The following CDH23 variants were observed in gnomAD, a reference collection of about 807,000 sequenced individuals.
CDH23 encodes cadherin-23.
Under a neutral mutation model 317.1 loss-of-function variants are expected in CDH23, and 189 were observed. The observed-to-expected ratio is 0.60, with a 90% CI of 0.53 to 0.67. CDH23 has a LOEUF of 0.67. Among genes scored for constraint, CDH23 ranks in the 30% least tolerant of loss-of-function variants. The pLI is 0.00. For synonymous variants in CDH23, 1,839 were observed against 1,876.8 expected, an observed-to-expected ratio of 0.98 and a Z score of 0.52; for missense variants, 4,401 against 4,592.4, an observed-to-expected ratio of 0.96 and a Z score of 1.20.
intron 6 of CDH23, among the ~76,000 whole-genome samples, chr10:71,528,012 G>A (rs1372759578): frequency 6.6e-6 from 1 of 152,096 alleles, no homozygotes; most frequent in Non-Finnish European, 1.5e-5. Flanking sequence ...CATCTGTGCA[G>A]TGGGGTTAGT....
rs1427867594 is a variant in CDH23 at position 71,690,595 on chromosome 10, C to G, written c.2176+11C>G. 1 of 1,557,702 alleles carries G rather than the reference C, an allele frequency of 6.4e-7. No individual in the cohort carries two copies. Among genetic ancestry groups the G allele is most frequent in the Non-Finnish European group, 8.7e-7 (1 of 1,142,896 alleles). ...TCAATGCCCGCTCAGGTGAGCCCCC[C>G]CACCCCAAGTACCCTGGTCCTCCAC... On this transcript the variant is annotated intron_variant, in intron 20 of 69. Coordinates refer to ENST00000224721, the MANE Select transcript of CDH23 (RefSeq NM_022124.6).
intron 24 of CDH23, 71 bp from the exon 25 acceptor site, chr10:71,704,840 C>A: frequency 1.7e-6 from 2 of 1,204,972 alleles, no homozygotes; most frequent in Middle Eastern, 2.1e-4. Context: ...GGAGGAGGAG[C>A]ACTTCTTGGG....
intron 3 of CDH23, among the ~76,000 whole-genome samples, chr10:71,498,865 A>C (rs1371699788): frequency 6.6e-6 from 1 of 152,168 alleles, no homozygotes; most frequent in Non-Finnish European, 1.5e-5. Context: ...ATTGGTATTC[A>C]ATGTCTGATC....
chr10:71,596,005 G>A (rs1374215560), intron 9 of CDH23, among the ~76,000 whole-genome samples: 1 of 152,168 alleles, frequency 6.6e-6, no homozygotes, highest in Non-Finnish European at 1.5e-5. Flanking sequence ...ACTCAGAACT[G>A]CTAATTGGGG....
At position 71,790,389 on chromosome 10, in the gene CDH23, C is replaced by G. The variant is rs745433741; in HGVS notation, c.6025C>G (p.Leu2009Val). 12 of 1,613,492 alleles carry G rather than the reference C, an allele frequency of 7.4e-6. No homozygotes were observed. The highest frequency in any genetic ancestry group is 1.0e-5 in the Non-Finnish European group (12 of 1,179,798). Residue 2009 changes from leucine (L) to valine (V), a missense_variant, in exon 46 of 70, where the codon CTC (leucine) becomes GTC (valine). Around this residue, in one of 3 missense-constraint regions of CDH23, gnomAD observed 3,068 missense variants for 3,203.3 expected, o/e 0.96. Coordinates refer to ENST00000224721, the MANE Select transcript of CDH23 (RefSeq NM_022124.6). ...CCAGCTGCTGGGTGCCCAGAGTGGC[C>G]TCTTTGACATCAACAGCAGCACCGG... ...TYQLLGAQSGLFDINSSTGVV... is the reference protein window; with the variant it reads ...TYQLLGAQSGVFDINSSTGVV...
intron 48 of CDH23, chr10:71,796,205 G>A (rs948285440): frequency 7.7e-5 from 46 of 595,972 alleles, no homozygotes; most frequent in Non-Finnish European, 8.4e-5. Flanking sequence ...ACTCTGGGAT[G>A]AAGCCAATGG....
intron 38 of CDH23, chr10:71,760,905 G>A (rs780594227): frequency 6.2e-7 from 1 of 1,613,846 alleles, no homozygotes; most frequent in Non-Finnish European, 8.5e-7. Flanking sequence ...ACACCACACA[G>A]TTGGATGGTG....
chr10:71,677,049 A>G (rs761913204), intron 15 of CDH23, among the ~76,000 whole-genome samples: 25 of 152,204 alleles, frequency 1.6e-4, no homozygotes, highest in Non-Finnish European at 3.2e-4. Flanking sequence ...AAAGCGGACC[A>G]ACCACCCTGC....
intron 11 of CDH23, among the ~76,000 whole-genome samples, chr10:71,630,850 C>A (rs1344779570): frequency 2.6e-5 from 4 of 152,196 alleles, no homozygotes; most frequent in Non-Finnish European, 5.9e-5. Flanking sequence ...TTCTAGAAAT[C>A]CAACCATTGG....
At chr10:71,674,110 G>T (rs1016184585) in intron 14 of CDH23, among the ~76,000 whole-genome samples, 1 of 152,224 alleles carries the variant, frequency 6.6e-6, no homozygotes, top group Non-Finnish European at 1.5e-5. Flanking sequence ...GCATCTTTCT[G>T]TATAGCCAAG....
At chr10:71,438,005 A>G (rs1305254326) in intron 1 of CDH23, among the ~76,000 whole-genome samples, 1 of 152,224 alleles carries the variant, frequency 6.6e-6, no homozygotes, top group Non-Finnish European at 1.5e-5. Context: ...TAGGATGTGT[A>G]GGGGGAAGAG....
At chr10:71,737,615 A>G in intron 34 of CDH23, 1 of 456,090 alleles carries the variant, frequency 2.2e-6, no homozygotes, top group Non-Finnish European at 4.5e-6. Flanking sequence ...GCAGGGAAGC[A>G]GAGAATGGGG....
At chr10:71,796,750 A>C (rs1455448485) in intron 48 of CDH23, 1 of 253,834 alleles carries the variant, frequency 3.9e-6, no homozygotes, top group Non-Finnish European at 7.9e-6. Flanking sequence ...TAAGTACTTT[A>C]CAAATGGAAA....
intron 3 of CDH23, among the ~76,000 whole-genome samples, chr10:71,493,597 T>G (rs1036756718): frequency 6.6e-6 from 1 of 152,196 alleles, no homozygotes; most frequent in Non-Finnish European, 1.5e-5. Context: ...AAGGGCTTCC[T>G]GAACAAATAG....
intron 28 of CDH23, chr10:71,715,780 G>A: frequency 1.6e-6 from 1 of 622,388 alleles, no homozygotes; most frequent in South Asian, 2.8e-5. Context: ...TTGGGAAAGG[G>A]CGCTGGCCTG....
chr10:71,671,150 G>A (rs1055189755), intron 14 of CDH23, among the ~76,000 whole-genome samples: 1 of 151,758 alleles, frequency 6.6e-6, no homozygotes, highest in Non-Finnish European at 1.5e-5. Flanking sequence ...AATAGAGATG[G>A]GGTTTCACCA....
At position 71,645,974 on chromosome 10, in the gene CDH23, C is replaced by T. The variant is rs780628787; in HGVS notation, c.1284C>T (p.Asp428=). ...ACTACGAGACCGTGGACCGCTACGA[C>T]TTTGATGTAAGGCCCCACTCACTGG... ...PLDYETVDRY[D]FDLFANESVP... Residue 428 remains aspartate (D), a synonymous_variant, in exon 13 of 70, where the codon GAC becomes GAT. Transcript: ENST00000224721. 30 of 1,611,488 alleles carry T rather than the reference C, an allele frequency of 1.9e-5. 1 individual carries two copies. The South Asian group carries it at 3.1e-4, about 17-fold the overall frequency.
At chr10:71,641,082 G>T (rs1862524659) in intron 11 of CDH23, among the ~76,000 whole-genome samples, 1 of 152,108 alleles carries the variant, frequency 6.6e-6, no homozygotes, top group African/African-American at 2.4e-5. Flanking sequence ...TTTGATATGT[G>T]GCCAGTGGAG....
At chr10:71,716,605 A>G (rs781314087) in intron 28 of CDH23, 1 of 391,146 alleles carries the variant, frequency 2.6e-6, no homozygotes, top group Non-Finnish European at 4.6e-6. Context: ...TGCAGACAAG[A>G]GGGCGGTGGC....
Sources: allele counts gnomAD v4.1 joint callset (sites outside exome capture counted in the v4.1 genomes callset), GRCh38; gene constraint gnomAD v4.1.1; regional missense constraint gnomAD v4.1.1; transcripts MANE v1.5; gene names NCBI Gene and HGNC (gene_info 2026-07-23, HGNC 2026-07-21).